Variants in GABRA5 observed in about 807,000 individuals in gnomAD.
GABRA5 encodes the protein gamma-aminobutyric acid type A receptor subunit alpha5.
Under a neutral mutation model 47.3 loss-of-function variants are expected in GABRA5, and 18 were observed. The ratio of observed to expected loss-of-function variants is 0.38; its 90% confidence interval spans 0.26 to 0.56. GABRA5 has a LOEUF of 0.56. Among genes scored for constraint, GABRA5 ranks in the 20% least tolerant of loss-of-function variants. The probability of loss-of-function intolerance (pLI) is 0.71; values close to 1 mark genes in which losing one functional copy is unlikely to be tolerated. For synonymous variants in GABRA5, 237 were observed against 229.3 expected, an observed-to-expected ratio of 1.03 and a Z score of -0.30; for missense variants, 365 against 599.3, an observed-to-expected ratio of 0.61 and a Z score of 4.08.
At chr15:26,932,371 A>G (rs1050557956) in intron 7 of GABRA5, among the ~76,000 whole-genome samples, 2 of 152,194 alleles carry the variant, frequency 1.3e-5, no homozygotes, top group African/African-American at 4.8e-5. Context: ...AAAAAGCTCA[A>G]CGTCACTGAT....
At chr15:26,905,525 T>C (rs1850919787) in intron 6 of GABRA5, among the ~76,000 whole-genome samples, 2 of 152,098 alleles carry the variant, frequency 1.3e-5, no homozygotes, top group Non-Finnish European at 2.9e-5. Context: ...CTTCATAAAA[T>C]TTGGGACATT....
rs1203652289 is a variant in GABRA5 at position 26,922,320 on chromosome 15, TTC to T, written c.580+7441_580+7442del. ...ATTGTTTGTCTTCACTATTTAATAT[TTC>T]TCTCTGTCTCTGGAAATTTTTCTCT... On this transcript the variant is annotated intron_variant, in intron 7 of 10. Coordinates refer to ENST00000335625, the MANE Select transcript of GABRA5 (RefSeq NM_000810.4). Among the ~76,000 whole-genome samples, 4 of 152,328 alleles carry T rather than the reference TTC, an allele frequency of 2.6e-5. No homozygotes were observed. The East Asian group carries it at 7.7e-4, about 29-fold the overall frequency.
chr15:26,939,020 C>T (rs1052367050), intron 8 of GABRA5, among the ~76,000 whole-genome samples: 4 of 152,152 alleles, frequency 2.6e-5, no homozygotes, highest in Non-Finnish European at 5.9e-5. Context: ...CTGATGGAGC[C>T]CCCAAAGCCT....
intron 7 of GABRA5, among the ~76,000 whole-genome samples, chr15:26,929,257 G>T (rs1894033841): frequency 6.6e-6 from 1 of 152,174 alleles, no homozygotes; most frequent in African/African-American, 2.4e-5. Flanking sequence ...AATACAATGG[G>T]GGCAGGCACA....
At chr15:26,927,023 G>T (rs1456664186) in intron 7 of GABRA5, among the ~76,000 whole-genome samples, 1 of 151,972 alleles carries the variant, frequency 6.6e-6, no homozygotes, top group South Asian at 2.1e-4. Flanking sequence ...TTATATATAA[G>T]AAGTAAAACC....
chr15:26,914,269 G>C (rs574199510), intron 6 of GABRA5, among the ~76,000 whole-genome samples: 9 of 152,214 alleles, frequency 5.9e-5, no homozygotes, highest in Middle Eastern at 3.4e-3. Context: ...GCCAGGTTCC[G>C]GTCAAAATTT....
At chr15:26,899,974 A>G (rs1165719529) in intron 6 of GABRA5, among the ~76,000 whole-genome samples, 1 of 151,420 alleles carries the variant, frequency 6.6e-6, no homozygotes, top group Non-Finnish European at 1.5e-5. Flanking sequence ...CAGTTCTTTC[A>G]TTTCTTCTTT....
At chr15:26,885,071 A>G (rs2140258806) in intron 6 of GABRA5, among the ~76,000 whole-genome samples, 1 of 152,040 alleles carries the variant, frequency 6.6e-6, no homozygotes, top group South Asian at 2.1e-4. Context: ...CCGAGGCGGG[A>G]GGATCACGAG....
In GABRA5 at chr15:26,867,303, C is replaced by T. The variant is rs1177086947; in HGVS notation, c.-140+192C>T. 1.3e-5 allele frequency: 2 copies of T among 151,766 alleles called. No individual in the cohort carries two copies. Among genetic ancestry groups the T allele is most frequent in the Non-Finnish European group, 2.9e-5 (2 of 67,938 alleles). 9.4% of individuals were successfully genotyped at this position (151,766 alleles called of 1,614,324 possible). A position where few individuals can be genotyped will look rare whatever the true frequency, so the allele number is the denominator to read the frequency against. On this transcript the variant is annotated intron_variant, in intron 1 of 10. Coordinates refer to ENST00000335625, the MANE Select transcript of GABRA5 (RefSeq NM_000810.4). The surrounding 1 kb of genome is among the most constrained non-coding windows in gnomAD (Gnocchi z 5.9). ...GGTGACGCCGCACCGGCCTTCCGCG[C>T]CTGCCAGCCGGGCGAGAGCAGGCGG...
intron 6 of GABRA5, among the ~76,000 whole-genome samples, chr15:26,908,414 A>C (rs1893497059): frequency 6.6e-6 from 1 of 152,152 alleles, no homozygotes; most frequent in Non-Finnish European, 1.5e-5. Context: ...CTATGAGTAC[A>C]CCAGAGGCAC....
chr15:26,938,156 A>T (rs1345915972), intron 8 of GABRA5, among the ~76,000 whole-genome samples: 1 of 152,240 alleles, frequency 6.6e-6, no homozygotes, highest in Non-Finnish European at 1.5e-5. Flanking sequence ...CAGGCCATTT[A>T]GTGCATAGCC....
chr15:26,900,783 A>G (rs1180799110), intron 6 of GABRA5, among the ~76,000 whole-genome samples: 1 of 152,040 alleles, frequency 6.6e-6, no homozygotes, highest in Non-Finnish European at 1.5e-5. Context: ...CAAAATTATA[A>G]TGACATGTAC....
intron 6 of GABRA5, among the ~76,000 whole-genome samples, chr15:26,907,544 C>A (rs567580899): frequency 6.6e-6 from 1 of 152,224 alleles, no homozygotes; most frequent in African/African-American, 2.4e-5. Flanking sequence ...GTTGGCAAAC[C>A]AGGACAATCA....
intron 6 of GABRA5, among the ~76,000 whole-genome samples, chr15:26,908,273 AAAC>A (rs1893493022): frequency 6.6e-6 from 1 of 152,128 alleles, no homozygotes; most frequent in Admixed American, 6.5e-5. Context: ...CTCATAGCAC[AAAC>A]TATGCTCCGT....
chr15:26,920,939 A>T (rs1344971145), intron 7 of GABRA5, among the ~76,000 whole-genome samples: 1 of 152,212 alleles, frequency 6.6e-6, no homozygotes, highest in African/African-American at 2.4e-5. Flanking sequence ...TGATATAATC[A>T]TGTGAGTTTT....
intron 3 of GABRA5, among the ~76,000 whole-genome samples, chr15:26,870,490 C>G (rs575830793): frequency 6.6e-6 from 1 of 152,306 alleles, no homozygotes; most frequent in South Asian, 2.1e-4. Flanking sequence ...CCCTCACCAA[C>G]AGAAGCCAGG....
At chr15:26,906,025 A>G (rs944245926) in intron 6 of GABRA5, among the ~76,000 whole-genome samples, 1 of 151,634 alleles carries the variant, frequency 6.6e-6, no homozygotes, top group African/African-American at 2.4e-5. Context: ...TGAACAGGCC[A>G]TTGTTTCTTT....
chr15:26,872,977 GC>G (rs753162391), intron 3 of GABRA5, among the ~76,000 whole-genome samples: 24 of 152,162 alleles, frequency 1.6e-4, no homozygotes, highest in Non-Finnish European at 2.9e-4. Context: ...GTCACCAGCA[GC>G]TCATTTGCAA....
intron 6 of GABRA5, among the ~76,000 whole-genome samples, chr15:26,913,421 T>C (rs1315942587): frequency 6.6e-6 from 1 of 152,166 alleles, no homozygotes; most frequent in Non-Finnish European, 1.5e-5. Flanking sequence ...GCAATTACCA[T>C]GTGAATTATG....
Sources: allele counts gnomAD v4.1 joint callset (sites outside exome capture counted in the v4.1 genomes callset), GRCh38; gene constraint gnomAD v4.1.1; non-coding constraint Gnocchi (gnomAD v3.1); transcripts MANE v1.5; gene names NCBI Gene and HGNC (gene_info 2026-07-23, HGNC 2026-07-21).